The following ME1 variants were observed in gnomAD, a reference collection of about 807,000 sequenced individuals.
ME1 encodes the protein malic enzyme 1, also known as NADP-dependent malic enzyme.
ME1 carries 74 observed loss-of-function variants against 66.4 expected under a neutral mutation model. That is an observed-to-expected ratio of 1.11 (90% confidence interval 0.92 to 1.35). ME1 has a LOEUF of 1.35. Ranked by LOEUF, ME1 falls within the 40% of genes most tolerant of loss-of-function variation. The pLI is 0.00. For synonymous variants in ME1, 251 were observed against 235.6 expected (o/e 1.07, Z -0.60); for missense variants, 750 against 694.1 (o/e 1.08, Z -0.90).
chr6:83,233,332 T>C (rs1790338030), intron 9 of ME1, among the ~76,000 whole-genome samples: 1 of 152,142 alleles, frequency 6.6e-6, no homozygotes, highest in East Asian at 1.9e-4. Flanking sequence ...TATAAAAAAC[T>C]AAAGCATCTT....
rs201444999 is a variant in ME1 at position 83,253,697 on chromosome 6, T to C, written c.746A>G (p.Asn249Ser). 117 of 1,611,004 alleles carry C rather than the reference T, an allele frequency of 7.3e-5. No individual in the cohort carries two copies. Among genetic ancestry groups the C allele is most frequent in the Admixed American group, 2.5e-4 (15 of 59,986 alleles). ...NCLIQFEDFA[N>S]VNAFRLLNKY... ...GTTCAGGAGACGAAATGCATTCACA[T>C]TGGCAAAATCTTCAAACTGAATAAG... The change falls in exon 7 of 14, where the codon AAT (asparagine) becomes AGT (serine). Residue 249 changes from asparagine (N) to serine (S), a missense_variant. Transcript: ENST00000369705.
Position 83,430,877 on chromosome 6 carries a change from C to A in ME1, c.78G>T (p.Lys26Asn). 6.2e-7 allele frequency: 1 copy of A among 1,600,372 alleles called. No individual in the cohort carries two copies. Among genetic ancestry groups the A allele is most frequent in the Non-Finnish European group, 8.5e-7 (1 of 1,173,784 alleles). Residue 26 changes from lysine to asparagine, a missense_variant and splice_region_variant, in exon 1 of 14, where the codon AAG becomes AAT. By Grantham distance (94) the Lys-to-Asn change is moderately conservative (BLOSUM62 0). Transcript: ENST00000369705. Reference protein sequence around the residue: ...YLLTRNPHLNKDLAFTLEERQ... With the variant: ...YLLTRNPHLNNDLAFTLEERQ... Reference sequence around the variant, plus strand: ...CGGCCAGGTGGGCCTGCGGGTTTACCTTGTTGAGGTGAGGGTTCCGTGTCA... The same window carrying A: ...CGGCCAGGTGGGCCTGCGGGTTTACATTGTTGAGGTGAGGGTTCCGTGTCA...
At chr6:83,359,166 TC>T in intron 3 of ME1, among the ~76,000 whole-genome samples, 1 of 151,034 alleles carries the variant, frequency 6.6e-6, no homozygotes, top group African/African-American at 2.4e-5. Flanking sequence ...GACAGGGTGG[TC>T]GGGCAGAGGC....
At position 83,334,055 on chromosome 6, in the gene ME1, C is replaced by T. The variant is rs369670739; in HGVS notation, c.600+12118G>A. Reference sequence around the variant, plus strand: ...ATTTCTGCATTTCCATCTGAGGTACCGGGTTCTTCTCACTAGGGAGTGCCA... The same window carrying T: ...ATTTCTGCATTTCCATCTGAGGTACTGGGTTCTTCTCACTAGGGAGTGCCA... On this transcript the variant is annotated intron_variant, in intron 5 of 13. Transcript: ENST00000369705. Among the ~76,000 whole-genome samples, 82 of 152,178 alleles carry T rather than the reference C, an allele frequency of 5.4e-4. 1 individual carries two copies. In the East Asian group the frequency reaches 0.013, roughly 25 times the overall value.
chr6:83,234,278 T>A (rs564525157), intron 9 of ME1, among the ~76,000 whole-genome samples: 52 of 152,306 alleles, frequency 3.4e-4, no homozygotes, highest in African/African-American at 1.2e-3. Context: ...AGGACAACAA[T>A]TTGTATAGCT....
At chr6:83,307,610 T>C (rs1767851255) in intron 6 of ME1, among the ~76,000 whole-genome samples, 1 of 152,076 alleles carries the variant, frequency 6.6e-6, no homozygotes, top group African/African-American at 2.4e-5. Flanking sequence ...GTTATAAATA[T>C]ATCCCCGTCA....
intron 12 of ME1, among the ~76,000 whole-genome samples, chr6:83,220,088 G>T (rs115453477): frequency 1.4e-3 from 215 of 152,258 alleles, no homozygotes; most frequent in African/African-American, 4.9e-3. Flanking sequence ...TAAACACCAG[G>T]ACACTGCTGG....
chr6:83,264,571 T>C (rs1766954325), intron 6 of ME1, among the ~76,000 whole-genome samples: 1 of 151,980 alleles, frequency 6.6e-6, no homozygotes, highest in African/African-American at 2.4e-5. Flanking sequence ...TGGAAGGAGG[T>C]CAAAACATCA....
intron 1 of ME1, among the ~76,000 whole-genome samples, chr6:83,419,449 T>C (rs901063194): frequency 6.6e-6 from 1 of 152,224 alleles, no homozygotes; most frequent in African/African-American, 2.4e-5. Context: ...TCTACCACAC[T>C]AAGGGCATAT....
chr6:83,331,721 T>C (rs997035979), intron 5 of ME1, among the ~76,000 whole-genome samples: 1 of 151,980 alleles, frequency 6.6e-6, no homozygotes, highest in Non-Finnish European at 1.5e-5. Context: ...TACCAACACA[T>C]TGATCTTGGA....
At position 83,388,091 on chromosome 6, in the gene ME1, C is replaced by CTTTTTTTTT. The variant is rs57683304; in HGVS notation, c.362+10267_362+10275dup. Among the ~76,000 whole-genome samples, 29 of 133,392 alleles carry CTTTTTTTTT rather than the reference C, an allele frequency of 2.2e-4. 2 individuals carry two copies. Among genetic ancestry groups the CTTTTTTTTT allele is most frequent in the Middle Eastern group, 4.4e-3 (1 of 228 alleles). 87.5% of individuals were successfully genotyped at this position (133,392 alleles called of 152,430 possible). ...TCTTCCTTCTTTCCTTCCTTCCTTC[C>CTTTTTTTTT]TTTTTTTTTTTGGACAGGATCTCAC... On this transcript the variant is annotated intron_variant, in intron 3 of 13. Transcript: ENST00000369705.
At chr6:83,262,787 C>T (rs1265459426) in intron 6 of ME1, among the ~76,000 whole-genome samples, 2 of 152,130 alleles carry the variant, frequency 1.3e-5, no homozygotes, top group Non-Finnish European at 2.9e-5. Context: ...GCCAGAGGGA[C>T]TAAGTCCAAT....
intron 9 of ME1, among the ~76,000 whole-genome samples, chr6:83,232,009 GT>G (rs1413928008): frequency 6.6e-6 from 1 of 152,124 alleles, no homozygotes; most frequent in Non-Finnish European, 1.5e-5. Context: ...AAAAGCACAT[GT>G]TTATAGTGGG....
At chr6:83,230,702 C>T (rs541811140) in intron 9 of ME1, among the ~76,000 whole-genome samples, 4 of 152,154 alleles carry the variant, frequency 2.6e-5, no homozygotes, top group Admixed American at 2.6e-4. Flanking sequence ...GAGGCTGAGG[C>T]GGGCGGATCA....
In ME1 at chr6:83,271,686, C is replaced by G. The variant is rs573588561; in HGVS notation, c.705-17948G>C. Among the ~76,000 whole-genome samples, 15 of 151,762 alleles carry G rather than the reference C, an allele frequency of 9.9e-5. No homozygotes were observed. In the South Asian group the frequency reaches 3.1e-3, roughly 32 times the overall value. On this transcript the variant is annotated intron_variant, in intron 6 of 13. Coordinates refer to ENST00000369705, the MANE Select transcript of ME1 (RefSeq NM_002395.6). ...TTAAGAAGAAACTTGGCAATAAAGG[C>G]GAATACAGATTCAGAGCAATCTTGG...
intron 6 of ME1, among the ~76,000 whole-genome samples, chr6:83,299,163 C>T (rs982019025): frequency 3.3e-5 from 5 of 151,490 alleles, no homozygotes; most frequent in African/African-American, 1.2e-4. Flanking sequence ...ATGGAAATAG[C>T]ATTGAATTTA....
In ME1 at chr6:83,311,313, G is replaced by A. The variant is rs545976580; in HGVS notation, c.704+3997C>T. ...ATTCTGAGGGTGTTTGATTAAAAGGGCTGGAACCTAGGAAAAGGGAGAGCT... is the reference window on the plus strand; with the variant it reads ...ATTCTGAGGGTGTTTGATTAAAAGGACTGGAACCTAGGAAAAGGGAGAGCT... On this transcript the variant is annotated intron_variant, in intron 6 of 13. Coordinates refer to ENST00000369705, the MANE Select transcript of ME1 (RefSeq NM_002395.6). Among the ~76,000 whole-genome samples the A allele has an allele frequency of 2.0e-5, 3 of 152,244 alleles. No homozygotes were observed. In the East Asian group the frequency reaches 5.8e-4, roughly 29 times the overall value.
rs560327667 is a variant in ME1 at position 83,252,716 on chromosome 6, G to A, written c.814+913C>T. On this transcript the variant is annotated intron_variant, in intron 7 of 13. Transcript: ENST00000369705. Reference sequence around the variant, plus strand: ...CTAAGAACATACAGCAGAACAAAAAGAAAAGGAGCTGGCACTGAGCAGGTC... The same window carrying A: ...CTAAGAACATACAGCAGAACAAAAAAAAAAGGAGCTGGCACTGAGCAGGTC... Among the ~76,000 whole-genome samples, 4 of 152,264 alleles carry A rather than the reference G, an allele frequency of 2.6e-5. No homozygotes were observed. The East Asian group carries it at 7.7e-4, about 29-fold the overall frequency.
In ME1 at chr6:83,216,601, T is replaced by C. The variant is rs374567163; in HGVS notation, c.1450-5A>G. 3 of 1,581,958 alleles carry C rather than the reference T, an allele frequency of 1.9e-6. No individual in the cohort carries two copies. Among genetic ancestry groups the C allele is most frequent in the African/African-American group, 1.4e-5 (1 of 72,948 alleles). On this transcript the variant is annotated splice_region_variant and splice_polypyrimidine_tract_variant and intron_variant, in intron 12 of 13. Transcript: ENST00000369705. ...TGACACTTGCTGAGCTATAACCTTA[T>C]GAAAAAAAGAAAGAAAAAAAGTGTT...
Sources: allele counts gnomAD v4.1 joint callset (sites outside exome capture counted in the v4.1 genomes callset), GRCh38; gene constraint gnomAD v4.1.1; transcripts MANE v1.5; gene names NCBI Gene and HGNC (gene_info 2026-07-23, HGNC 2026-07-21).